Variants in MYO16 observed in about 807,000 individuals in gnomAD.
The protein encoded by MYO16 is unconventional myosin-XVI.
In MYO16, 94 loss-of-function variants were observed where a neutral mutation model predicts 205.3. The observed-to-expected ratio is 0.46, with a 90% CI of 0.39 to 0.54. MYO16 has a LOEUF of 0.54. MYO16 is among the 20% of genes least tolerant of loss of function. The pLI is 0.00. For synonymous variants in MYO16, 988 were observed against 954.0 expected (o/e 1.04, Z -0.66); for missense variants, 2,315 against 2,387.5 (o/e 0.97, Z 0.63).
At position 109,140,446 on chromosome 13, in the gene MYO16, G is replaced by T; in HGVS notation, c.4234G>T (p.Gly1412Trp). 1 of 1,550,366 alleles carries T rather than the reference G, an allele frequency of 6.5e-7. No individual in the cohort carries two copies. The change falls in exon 32 of 35, where the codon GGG (glycine) becomes TGG (tryptophan). Residue 1412 changes from glycine to tryptophan, a missense_variant. Physicochemically the swap from Gly to Trp is radical, Grantham distance 184. Coordinates refer to ENST00000457511, the MANE Select transcript of MYO16 (RefSeq NM_001198950.3). The surrounding 1 kb of genome is among the most constrained non-coding windows in gnomAD (Gnocchi z 8.0). ...PGAAARVLTP[G>W]TPQCALPPAA... ...GGCAGCAGCGCGCGTTCTGACCCCC[G>T]GGACTCCGCAGTGCGCGCTGCCCCC... is the stretch of plus-strand genomic sequence containing the variant.
intron 11 of MYO16, among the ~76,000 whole-genome samples, chr13:108,860,413 A>G (rs549223483): frequency 6.6e-6 from 1 of 152,212 alleles, no homozygotes; most frequent in South Asian, 2.1e-4. Flanking sequence ...TCTGTCATTT[A>G]TGGGCATTGA....
At chr13:108,951,174 C>T (rs754232753) in intron 16 of MYO16, among the ~76,000 whole-genome samples, 3 of 151,982 alleles carry the variant, frequency 2.0e-5, no homozygotes, top group South Asian at 2.1e-4. Flanking sequence ...AAGAAGAAAA[C>T]GATTGGTATG....
At chr13:108,745,448 A>G (rs1429886860) in intron 4 of MYO16, among the ~76,000 whole-genome samples, 1 of 152,148 alleles carries the variant, frequency 6.6e-6, no homozygotes, top group Non-Finnish European at 1.5e-5. Flanking sequence ...CATAAAACAG[A>G]TGTTTTGCAG....
intron 4 of MYO16, among the ~76,000 whole-genome samples, chr13:108,778,853 C>T (rs1489254486): frequency 6.6e-6 from 1 of 152,136 alleles, no homozygotes; most frequent in African/African-American, 2.4e-5. Flanking sequence ...TGGCATAGAA[C>T]CTCTCTGGTT....
the MYO16 span, among the ~76,000 whole-genome samples, chr13:108,497,465 C>G: frequency 6.6e-6 from 1 of 152,140 alleles, no homozygotes; most frequent in East Asian, 1.9e-4. Context: ...GTTTTGAAAA[C>G]AGTATATACA....
chr13:108,918,280 A>T (rs1322978676), intron 16 of MYO16, among the ~76,000 whole-genome samples: 2 of 152,260 alleles, frequency 1.3e-5, no homozygotes, highest in Admixed American at 1.3e-4. Context: ...CGTCATTAAG[A>T]TGGTGTATTC....
At chr13:108,714,608 G>GTGTGTA (rs1883865256) in intron 3 of MYO16, among the ~76,000 whole-genome samples, 2 of 143,018 alleles carry the variant, frequency 1.4e-5, no homozygotes. Flanking sequence ...GTGTGTGTGT[G>GTGTGTA]TGTGTATATA....
intron 7 of MYO16, among the ~76,000 whole-genome samples, chr13:108,816,571 A>G (rs1432610817): frequency 6.6e-6 from 1 of 152,194 alleles, no homozygotes; most frequent in East Asian, 1.9e-4. Context: ...CATAAGCATG[A>G]GTTGCAAGAT....
chr13:109,189,245 G>T (rs779227971), intron 34 of MYO16, among the ~76,000 whole-genome samples: 2 of 152,090 alleles, frequency 1.3e-5, no homozygotes, highest in Non-Finnish European at 2.9e-5. Flanking sequence ...CCAGATCAAG[G>T]GTGGGTCTGC....
the MYO16 span, among the ~76,000 whole-genome samples, chr13:108,521,244 C>A: frequency 3.3e-5 from 5 of 152,296 alleles, no homozygotes; most frequent in South Asian, 1.0e-3. Context: ...TAGGAAGAAG[C>A]AGATTAGTGA....
intron 4 of MYO16, among the ~76,000 whole-genome samples, chr13:108,753,274 G>A (rs1248103476): frequency 3.3e-5 from 5 of 151,174 alleles, no homozygotes; most frequent in South Asian, 2.1e-4. Flanking sequence ...GGAGGCTGAG[G>A]CAGGAGAATC....
intron 3 of MYO16, among the ~76,000 whole-genome samples, chr13:108,717,777 C>T (rs142434156): frequency 1.4e-4 from 22 of 152,034 alleles, no homozygotes; most frequent in South Asian, 6.2e-4. Flanking sequence ...TAACAGCCAA[C>T]GGAGGATCTT....
intron 14 of MYO16, among the ~76,000 whole-genome samples, chr13:108,890,554 G>T (rs768442877): frequency 1.3e-5 from 2 of 152,140 alleles, no homozygotes; most frequent in African/African-American, 4.8e-5. Context: ...CAGGCAGAAG[G>T]CTCATCATAT....
chr13:108,556,421 T>C, the MYO16 span, among the ~76,000 whole-genome samples: 4 of 152,204 alleles, frequency 2.6e-5, no homozygotes, highest in South Asian at 2.1e-4. Context: ...GTTGGCCATT[T>C]GTATGAATTC....
intron 4 of MYO16, among the ~76,000 whole-genome samples, chr13:108,740,769 G>A (rs1315815494): frequency 6.6e-6 from 1 of 152,154 alleles, no homozygotes; most frequent in African/African-American, 2.4e-5. Context: ...TCCTTGAGCT[G>A]TGGTGAGCTC....
At chr13:108,501,238 C>A in the MYO16 span, among the ~76,000 whole-genome samples, 1 of 152,138 alleles carries the variant, frequency 6.6e-6, no homozygotes, top group South Asian at 2.1e-4. Context: ...TGGTGTTACA[C>A]GAGTGGATAT....
intron 13 of MYO16, among the ~76,000 whole-genome samples, chr13:108,887,053 T>C (rs994966107): frequency 1.3e-5 from 2 of 152,192 alleles, no homozygotes; most frequent in African/African-American, 4.8e-5. Context: ...CGGATCATTA[T>C]TGAGTGTCAG....
Position 108,924,065 on chromosome 13 carries a change from C to T in MYO16, c.1925+13915C>T, listed in dbSNP as rs147080548. Among the ~76,000 whole-genome samples the T allele has an allele frequency of 1.0e-3, 155 of 152,278 alleles. 1 individual carries two copies. The Middle Eastern group carries it at 0.031, about 30-fold the overall frequency. On this transcript the variant is annotated intron_variant, in intron 16 of 34. Transcript: ENST00000457511. ...GAAAAGGGTTTCTGCCATCTTCCAC[C>T]ATCAGTTTAGGGCCATAAAGTCCAA...
At chr13:109,174,030 T>TG (rs1879052502) in intron 33 of MYO16, among the ~76,000 whole-genome samples, 1 of 151,554 alleles carries the variant, frequency 6.6e-6, no homozygotes, top group South Asian at 2.1e-4. Context: ...AAACTGAGTT[T>TG]GGGGGTGCCA....
Sources: allele counts gnomAD v4.1 joint callset (sites outside exome capture counted in the v4.1 genomes callset), GRCh38; gene constraint gnomAD v4.1.1; non-coding constraint Gnocchi (gnomAD v3.1); transcripts MANE v1.5; gene names NCBI Gene and HGNC (gene_info 2026-07-23, HGNC 2026-07-21).